AMPH: variants seen among roughly 807,000 people sequenced by gnomAD.
The protein encoded by AMPH is amphiphysin.
In AMPH, 49 loss-of-function variants were observed where a neutral mutation model predicts 99.1. The ratio of observed to expected loss-of-function variants is 0.49; its 90% CI spans 0.39 to 0.63. The LOEUF (loss-of-function observed/expected upper bound fraction) is 0.63. AMPH is among the 20% of genes least tolerant of loss of function. The pLI is 0.00. For missense variants in AMPH, 759 were observed against 863.4 expected (o/e 0.88, Z 1.52); for synonymous variants, 314 against 317.3 (o/e 0.99, Z 0.11).
intron 17 of AMPH, among the ~76,000 whole-genome samples, chr7:38,395,828 G>T (rs1389624315): frequency 6.6e-6 from 1 of 152,152 alleles, no homozygotes; most frequent in Non-Finnish European, 1.5e-5. Context: ...AATCGGAGAT[G>T]AAGAACATGA....
intron 1 of AMPH, among the ~76,000 whole-genome samples, chr7:38,604,938 TC>T: frequency 6.6e-6 from 1 of 152,318 alleles, no homozygotes. Flanking sequence ...TCATTTTTAT[TC>T]CCTCCATCCT....
chr7:38,444,306 C>G (rs547352803), intron 11 of AMPH, among the ~76,000 whole-genome samples: 1 of 152,222 alleles, frequency 6.6e-6, no homozygotes, highest in East Asian at 1.9e-4. Context: ...CCCCCACCCC[C>G]CAAATTTCAT....
At position 38,394,231 on chromosome 7, in the gene AMPH, A is replaced by G; in HGVS notation, c.1399-17T>C. On this transcript the variant is annotated splice_polypyrimidine_tract_variant and intron_variant, in intron 17 of 20. Coordinates refer to ENST00000356264, the MANE Select transcript of AMPH (RefSeq NM_001635.4). ...AGGTATGATCTGCAGGGCAGAAACC[A>G]GCAGGCCACGTCTGCATCTCCATGG... is the stretch of plus-strand genomic sequence containing the variant. 1 of 1,613,596 alleles carries G rather than the reference A, an allele frequency of 6.2e-7. No individual in the cohort carries two copies. Among genetic ancestry groups the G allele is most frequent in the African/African-American group, 1.3e-5 (1 of 75,068 alleles).
intron 10 of AMPH, among the ~76,000 whole-genome samples, chr7:38,462,745 G>A (rs567094988): frequency 1.1e-4 from 16 of 152,120 alleles, no homozygotes; most frequent in Non-Finnish European, 1.9e-4. Context: ...TGCCGAGAAC[G>A]TGGTAAGAAG....
chr7:38,414,511 G>A (rs1208313783), intron 17 of AMPH, among the ~76,000 whole-genome samples: 1 of 151,908 alleles, frequency 6.6e-6, no homozygotes, highest in Non-Finnish European at 1.5e-5. Flanking sequence ...AATTAGAAGG[G>A]GCCTCTTTAG....
At chr7:38,551,936 ATG>A (rs1248351210) in intron 1 of AMPH, among the ~76,000 whole-genome samples, 6 of 152,244 alleles carry the variant, frequency 3.9e-5, no homozygotes, top group African/African-American at 1.4e-4. Flanking sequence ...AATTTAGAAT[ATG>A]GAGTGGACAT....
At chr7:38,584,428 A>G (rs567702741) in intron 1 of AMPH, among the ~76,000 whole-genome samples, 3 of 152,356 alleles carry the variant, frequency 2.0e-5, no homozygotes, top group African/African-American at 7.2e-5. Flanking sequence ...CCTGAATATC[A>G]TTCAAGATGT....
intron 1 of AMPH, among the ~76,000 whole-genome samples, chr7:38,562,649 A>T (rs1427490177): frequency 1.3e-5 from 2 of 151,994 alleles, no homozygotes; most frequent in Non-Finnish European, 2.9e-5. Context: ...TGATATGAGC[A>T]CAAAAAGAGG....
chr7:38,458,045 T>G (rs1253741617), intron 11 of AMPH, among the ~76,000 whole-genome samples: 1 of 152,148 alleles, frequency 6.6e-6, no homozygotes, highest in Non-Finnish European at 1.5e-5. Context: ...CTCATTTGTG[T>G]GTTTGGTCTC....
At chr7:38,556,262 G>T (rs1367112083) in intron 1 of AMPH, among the ~76,000 whole-genome samples, 1 of 152,082 alleles carries the variant, frequency 6.6e-6, no homozygotes, top group Admixed American at 6.6e-5. Context: ...GCTATCTTTT[G>T]GTTCCCCTAA....
intron 7 of AMPH, among the ~76,000 whole-genome samples, chr7:38,471,255 C>T (rs968664076): frequency 3.3e-5 from 5 of 152,164 alleles, no homozygotes; most frequent in Non-Finnish European, 7.4e-5. Flanking sequence ...TTTATTCATA[C>T]TCTATGTCAG....
At chr7:38,504,502 G>A (rs979422849) in intron 2 of AMPH, among the ~76,000 whole-genome samples, 4 of 152,174 alleles carry the variant, frequency 2.6e-5, no homozygotes, top group African/African-American at 9.7e-5. Context: ...AGGGAAGATA[G>A]CTGATACAGA....
At chr7:38,405,971 A>G (rs1292056436) in intron 17 of AMPH, among the ~76,000 whole-genome samples, 1 of 152,236 alleles carries the variant, frequency 6.6e-6, no homozygotes, top group Non-Finnish European at 1.5e-5. Flanking sequence ...ATGCTTAGCC[A>G]TAAAGCAAGT....
chr7:38,615,294 T>C (rs1438850551), intron 1 of AMPH, among the ~76,000 whole-genome samples: 3 of 152,162 alleles, frequency 2.0e-5, no homozygotes, highest in Non-Finnish European at 4.4e-5. Context: ...ATGGGACTGC[T>C]CATCACAGAG....
chr7:38,549,827 T>C (rs1176278225), intron 1 of AMPH, among the ~76,000 whole-genome samples: 1 of 152,360 alleles, frequency 6.6e-6, no homozygotes, highest in East Asian at 1.9e-4. Flanking sequence ...ATAATTACTT[T>C]AGATTCACCA....
At chr7:38,596,955 C>G (rs1273292234) in intron 1 of AMPH, among the ~76,000 whole-genome samples, 2 of 152,234 alleles carry the variant, frequency 1.3e-5, no homozygotes, top group East Asian at 3.8e-4. Context: ...CAGTTTCCCA[C>G]TAACTCTTAC....
At chr7:38,459,568 G>A (rs4723758) in intron 11 of AMPH, among the ~76,000 whole-genome samples, 39,419 of 151,850 alleles carry the variant, frequency 0.26, 5,559 homozygotes, top group East Asian at 0.48. Flanking sequence ...CTCATTTTCA[G>A]TAAAGGTATC....
chr7:38,409,990 G>C (rs1483523374), intron 17 of AMPH, among the ~76,000 whole-genome samples: 1 of 152,224 alleles, frequency 6.6e-6, no homozygotes, highest in African/African-American at 2.4e-5. Flanking sequence ...CTCTCTCAGA[G>C]ATGAGGAGAT....
In AMPH at chr7:38,571,159, ATATT is replaced by A. The variant is rs1366561923; in HGVS notation, c.70-36152_70-36149del. 1.1e-4 allele frequency among the ~76,000 whole-genome samples: 10 copies of A among 88,646 alleles called. No individual in the cohort carries two copies. In the East Asian group the frequency reaches 1.2e-3, roughly 10 times the overall value. 58.2% of individuals were successfully genotyped at this position (88,646 alleles called of 152,430 possible). On this transcript the variant is annotated intron_variant, in intron 1 of 20. Coordinates refer to ENST00000356264, the MANE Select transcript of AMPH (RefSeq NM_001635.4). ...TATTTTTATATATTTATGAATATAT[ATATT>A]TTTATATATTTTTATATATGAATAT...
Sources: gnomAD v4.1 joint callset for allele counts (sites outside exome capture counted in the v4.1 genomes callset) on GRCh38, gnomAD v4.1.1 for gene constraint, MANE v1.5 for transcripts, NCBI Gene and HGNC (gene_info 2026-07-23, HGNC 2026-07-21) for gene names.